LMO7: variants seen among roughly 807,000 people sequenced by gnomAD.
The protein encoded by LMO7 is LIM domain only protein 7.
LMO7 carries 120 observed loss-of-function variants against 206.5 expected under a neutral mutation model. The observed-to-expected ratio is 0.58, with a 90% CI of 0.50 to 0.68. LMO7 has a LOEUF of 0.68. LMO7 is among the 30% of genes least tolerant of loss of function. The pLI, the probability that LMO7 is intolerant of heterozygous loss-of-function variation, is 0.00. For missense variants in LMO7, 1,959 were observed against 1,957.9 expected (o/e 1.00, Z -0.01); for synonymous variants, 706 against 681.5 (o/e 1.04, Z -0.56).
intron 7 of LMO7, among the ~76,000 whole-genome samples, chr13:75,802,993 G>A (rs552441): frequency 0.61 from 92,192 of 152,130 alleles, 29,024 homozygotes; most frequent in East Asian, 0.92. Context: ...TTAAAAGTTA[G>A]AAAGTAAAAT....
chr13:75,781,186 C>T (rs1331594045), intron 4 of LMO7, among the ~76,000 whole-genome samples: 6 of 137,958 alleles, frequency 4.3e-5, no homozygotes, highest in African/African-American at 1.1e-4. Flanking sequence ...TGCAGGTTAG[C>T]TACATATGTA....
intron 11 of LMO7, among the ~76,000 whole-genome samples, chr13:75,812,530 G>T (rs534683312): frequency 6.6e-6 from 1 of 151,988 alleles, no homozygotes; most frequent in Admixed American, 6.6e-5. Context: ...GGTTCTTTTC[G>T]ATCCTTACTC....
intron 3 of LMO7, among the ~76,000 whole-genome samples, chr13:75,734,045 C>A (rs372361858): frequency 1.3e-5 from 2 of 152,222 alleles, no homozygotes; most frequent in East Asian, 3.8e-4. Flanking sequence ...TAGTCAAGGC[C>A]TGCTAACTCT....
chr13:75,636,798 A>G, intron 1 of LMO7, 72 bp downstream of exon 1: 2 of 1,401,392 alleles, frequency 1.4e-6, no homozygotes, highest in Non-Finnish European at 2.0e-6. Flanking sequence ...AGGTGACTGC[A>G]GCCCCAGTCA....
chr13:75,741,661 C>A (rs189377503), intron 3 of LMO7, among the ~76,000 whole-genome samples: 7 of 152,046 alleles, frequency 4.6e-5, no homozygotes, highest in African/African-American at 1.4e-4. Context: ...TACAGAAAAG[C>A]CTTTTGATAA....
intron 1 of LMO7, among the ~76,000 whole-genome samples, chr13:75,671,173 C>G (rs1026382410): frequency 6.6e-6 from 1 of 151,464 alleles, no homozygotes; most frequent in Admixed American, 6.6e-5. Flanking sequence ...TGGAATACCT[C>G]CTGAGGGACT....
At chr13:75,695,861 CAACT>C (rs1279526210) in intron 1 of LMO7, among the ~76,000 whole-genome samples, 1 of 152,098 alleles carries the variant, frequency 6.6e-6, no homozygotes, top group African/African-American at 2.4e-5. Context: ...TCATTTTCAC[CAACT>C]ATTACTTGAT....
At position 75,841,966 on chromosome 13, in the gene LMO7, A is replaced by C; in HGVS notation, c.4014A>C (p.Arg1338Ser). Reference protein sequence around the residue: ...QAEIERETSVRIYQYRRPVDS... With the variant: ...QAEIERETSVSIYQYRRPVDS... ...AGATAGAGCGGGAAACATCAGTCAG[A>C]ATATACCAGTACAGGAGGTATGTCC... The change falls in exon 24 of 31, where the codon AGA (arginine) becomes AGC (serine). Residue 1338 changes from arginine to serine, a missense_variant. Coordinates refer to ENST00000377534, the MANE Select transcript of LMO7 (RefSeq NM_001306080.2). 1 of 1,611,488 alleles carries C rather than the reference A, an allele frequency of 6.2e-7. No homozygotes were observed. Among genetic ancestry groups the C allele is most frequent in the Non-Finnish European group, 8.5e-7 (1 of 1,179,484 alleles).
rs1431952621 is a variant in LMO7 at position 75,665,507 on chromosome 13, G to A, written c.69+28781G>A. 3.3e-5 allele frequency among the ~76,000 whole-genome samples: 5 copies of A among 150,564 alleles called. No individual in the cohort carries two copies. In the East Asian group the frequency reaches 9.8e-4, roughly 30 times the overall value. ...GACTTGATTATATTCTAATTCAGAGGAAATTTATGTCTCCCTAGTCTACAT... is the reference window on the plus strand; with the variant it reads ...GACTTGATTATATTCTAATTCAGAGAAAATTTATGTCTCCCTAGTCTACAT... On this transcript the variant is annotated intron_variant, in intron 1 of 30. Coordinates refer to ENST00000377534, the MANE Select transcript of LMO7 (RefSeq NM_001306080.2).
chr13:75,804,901 T>G, intron 8 of LMO7: 1 of 1,019,614 alleles, frequency 9.8e-7, no homozygotes, highest in South Asian at 4.2e-5. Flanking sequence ...TCTCAGCAAA[T>G]TAGCAGAACA....
Position 75,658,623 on chromosome 13 carries a change from G to A in LMO7, c.69+21897G>A, listed in dbSNP as rs559944350. Among the ~76,000 whole-genome samples the A allele has an allele frequency of 7.2e-4, 110 of 151,860 alleles. 1 individual carries two copies. The highest frequency in any genetic ancestry group is 2.5e-3 in the African/African-American group (105 of 41,414). On this transcript the variant is annotated intron_variant, in intron 1 of 30. Transcript: ENST00000377534. Reference sequence around the variant, plus strand: ...TTTTGAGATGGAATCTCGCTCTGTCGCCCAGGCTGGAGTGCAGTGGCGCGA... The same window carrying A: ...TTTTGAGATGGAATCTCGCTCTGTCACCCAGGCTGGAGTGCAGTGGCGCGA...
chr13:75,672,626 C>T (rs935919537), intron 1 of LMO7, among the ~76,000 whole-genome samples: 3 of 152,102 alleles, frequency 2.0e-5, no homozygotes, highest in Admixed American at 6.6e-5. Context: ...TGCATGTGTG[C>T]GGTTCCAACA....
At chr13:75,845,609 TAATGA>T (rs1413060363) in intron 26 of LMO7, among the ~76,000 whole-genome samples, 5 of 152,246 alleles carry the variant, frequency 3.3e-5, no homozygotes, top group Non-Finnish European at 7.3e-5. Context: ...TTTAAATTGC[TAATGA>T]AATATGTGGG....
At chr13:75,803,292 G>T (rs879805244) in intron 7 of LMO7, among the ~76,000 whole-genome samples, 61 of 152,154 alleles carry the variant, frequency 4.0e-4, no homozygotes, top group African/African-American at 1.4e-3. Flanking sequence ...AGGAGGGAGG[G>T]GAAGAGACTG....
chr13:75,709,339 T>C (rs2042899205), intron 1 of LMO7, among the ~76,000 whole-genome samples: 1 of 152,204 alleles, frequency 6.6e-6, no homozygotes, highest in East Asian at 1.9e-4. Flanking sequence ...GGTCAAATGG[T>C]ATTTCTACTT....
intron 1 of LMO7, among the ~76,000 whole-genome samples, chr13:75,676,926 A>G (rs2139445614): frequency 6.6e-6 from 1 of 152,328 alleles, no homozygotes; most frequent in Admixed American, 6.5e-5. Flanking sequence ...TAAGTCTGTA[A>G]TTGAAAGCTT....
chr13:75,845,252 C>T (rs181737064), intron 25 of LMO7, 75 bp from the exon 26 acceptor site: 52 of 694,616 alleles, frequency 7.5e-5, no homozygotes, highest in Middle Eastern at 6.9e-4. Flanking sequence ...GCAATCTCTT[C>T]GGTGTTTTTA....
At chr13:75,757,124 G>A (rs532499760) in intron 3 of LMO7, among the ~76,000 whole-genome samples, 6 of 152,142 alleles carry the variant, frequency 3.9e-5, no homozygotes, top group African/African-American at 7.2e-5. Flanking sequence ...CTTGGATCAC[G>A]GGCTCTATCA....
At chr13:75,656,228 T>C (rs1249381438) in intron 1 of LMO7, among the ~76,000 whole-genome samples, 1 of 152,162 alleles carries the variant, frequency 6.6e-6, no homozygotes, top group Non-Finnish European at 1.5e-5. Context: ...AGCAGCTCTC[T>C]TGCCCACTCT....
Sources: gnomAD v4.1 joint callset for allele counts (sites outside exome capture counted in the v4.1 genomes callset) on GRCh38, gnomAD v4.1.1 for gene constraint, MANE v1.5 for transcripts, NCBI Gene and HGNC (gene_info 2026-07-23, HGNC 2026-07-21) for gene names.